The following STK32B variants were observed in gnomAD, a reference collection of about 807,000 sequenced individuals.
The protein encoded by STK32B is serine/threonine-protein kinase 32B.
In STK32B, 43 loss-of-function variants were observed where a neutral mutation model predicts 52.6. The observed-to-expected ratio is 0.82, with a 90% CI of 0.64 to 1.05. STK32B has a LOEUF of 1.05. Among genes scored for constraint, STK32B ranks in the 50% least tolerant of loss-of-function variants. STK32B has a pLI of 0.00. For synonymous variants in STK32B, 238 were observed against 204.3 expected, an observed-to-expected ratio of 1.17 and a Z score of -1.41; for missense variants, 621 against 534.6, an observed-to-expected ratio of 1.16 and a Z score of -1.59.
chr4:5,266,282 A>C (rs1345701481), intron 3 of STK32B, among the ~76,000 whole-genome samples: 1 of 152,236 alleles, frequency 6.6e-6, no homozygotes, highest in Admixed American at 6.5e-5. Flanking sequence ...AGAGAAATCA[A>C]CTTTTTAAGA....
At chr4:5,103,825 G>A (rs1269944621) in intron 1 of STK32B, among the ~76,000 whole-genome samples, 1 of 152,112 alleles carries the variant, frequency 6.6e-6, no homozygotes, top group Non-Finnish European at 1.5e-5. Context: ...GTATGAAATG[G>A]TATCTCATTA....
At chr4:5,323,385 C>T (rs565536020) in intron 3 of STK32B, among the ~76,000 whole-genome samples, 6 of 152,130 alleles carry the variant, frequency 3.9e-5, no homozygotes, top group Admixed American at 6.5e-5. Flanking sequence ...AAGGGGAGCC[C>T]GAGGGGACTG....
intron 4 of STK32B, among the ~76,000 whole-genome samples, chr4:5,384,790 T>C (rs749583434): frequency 6.6e-6 from 1 of 151,732 alleles, no homozygotes; most frequent in Non-Finnish European, 1.5e-5. Flanking sequence ...GACTGAAGAA[T>C]TGCAGGAAAC....
At chr4:5,373,488 C>G (rs544959032) in intron 4 of STK32B, among the ~76,000 whole-genome samples, 1 of 152,322 alleles carries the variant, frequency 6.6e-6, no homozygotes, top group African/African-American at 2.4e-5. Flanking sequence ...AGGGGAAGAT[C>G]AGACCTTTTG....
At chr4:5,046,565 G>A (rs188907145), upstream of STK32B, among the ~76,000 whole-genome samples, 512 of 152,200 alleles carry the variant, frequency 3.4e-3, 2 homozygotes, top group African/African-American at 0.012. Flanking sequence ...TACAGAATAG[G>A]AGAACATTTT....
In STK32B at chr4:5,400,341, T is replaced by TC. The variant is rs1391787483; in HGVS notation, c.472+2101dup. ...CCATTCTCAGCCTCCACCTCAGCCT[T>TC]CCCCACATTCTTTCTGCATCTCGTT... On this transcript the variant is annotated intron_variant, in intron 5 of 11. Transcript: ENST00000282908. This position sits in a 1 kb window ranked among gnomAD's most constrained non-coding sequence, Gnocchi z 6.1. Among the ~76,000 whole-genome samples, 1 of 152,092 alleles carries TC rather than the reference T, an allele frequency of 6.6e-6. No individual in the cohort carries two copies. Among genetic ancestry groups the TC allele is most frequent in the African/African-American group, 2.4e-5 (1 of 41,422 alleles).
chr4:5,451,291 A>G (rs1256668456), intron 7 of STK32B, among the ~76,000 whole-genome samples: 2 of 152,198 alleles, frequency 1.3e-5, no homozygotes, highest in African/African-American at 2.4e-5. Context: ...GCTGGAAGGA[A>G]TAATGTGAGC....
At chr4:5,402,660 A>G (rs900376103) in intron 5 of STK32B, among the ~76,000 whole-genome samples, 17 of 152,336 alleles carry the variant, frequency 1.1e-4, no homozygotes, top group African/African-American at 4.1e-4. Flanking sequence ...AGAAGCTCTC[A>G]TTTGATTCCT....
chr4:5,277,706 A>G (rs1200092418), intron 3 of STK32B, among the ~76,000 whole-genome samples: 1 of 152,230 alleles, frequency 6.6e-6, no homozygotes, highest in Non-Finnish European at 1.5e-5. Context: ...TATGGTTTTC[A>G]TAGTGTTCAG....
Position 5,075,280 on chromosome 4 carries a change from A to C in STK32B, c.52+23365A>C, listed in dbSNP as rs558866870. On this transcript the variant is annotated intron_variant, in intron 1 of 11. Coordinates refer to ENST00000282908, the MANE Select transcript of STK32B (RefSeq NM_018401.3). The stretch of plus-strand genomic sequence containing the variant: ...ACAGCACAAATGTGATCATTCTGCC[A>C]TAACTTCTCTTCAAAAACATTTCAA... Among the ~76,000 whole-genome samples the C allele has an allele frequency of 2.6e-5, 4 of 152,324 alleles. No individual in the cohort carries two copies. In the East Asian group the frequency reaches 7.7e-4, roughly 29 times the overall value.
the STK32B span, among the ~76,000 whole-genome samples, chr4:5,040,388 ATTTTT>A: frequency 2.5e-5 from 3 of 118,728 alleles, no homozygotes; most frequent in African/African-American, 3.6e-5. Context: ...TGGCAGTAGA[ATTTTT>A]TTTTTTTTTT....
intron 3 of STK32B, among the ~76,000 whole-genome samples, chr4:5,286,493 T>C (rs1038767026): frequency 6.6e-6 from 1 of 152,178 alleles, no homozygotes; most frequent in African/African-American, 2.4e-5. Context: ...ACAAACACTG[T>C]AGTGATTTTT....
intron 3 of STK32B, among the ~76,000 whole-genome samples, chr4:5,257,155 G>A (rs936015047): frequency 1.2e-4 from 19 of 152,062 alleles, no homozygotes; most frequent in African/African-American, 4.6e-4. Context: ...GAATGAGCGG[G>A]CAACTGAGTG....
chr4:5,475,723 T>G (rs1380146270), intron 11 of STK32B, among the ~76,000 whole-genome samples: 2 of 150,362 alleles, frequency 1.3e-5, no homozygotes, highest in Non-Finnish European at 3.0e-5. Flanking sequence ...TGACCGATTC[T>G]GACAAATCTC....
chr4:5,044,336 C>A, the STK32B span, among the ~76,000 whole-genome samples: 1 of 152,138 alleles, frequency 6.6e-6, no homozygotes, highest in Admixed American at 6.5e-5. Flanking sequence ...GTCAACTTCT[C>A]TCCTAAACCT....
Position 5,399,020 on chromosome 4 carries a change from G to A in STK32B, c.472+776G>A, listed in dbSNP as rs1737109285. The stretch of plus-strand genomic sequence containing the variant: ...TGGGCTCCTGTGTTCTGGATCCTGT[G>A]TCCTGTGTTGGGATGGAATGCCCAC... On this transcript the variant is annotated intron_variant, in intron 5 of 11. Coordinates refer to ENST00000282908, the MANE Select transcript of STK32B (RefSeq NM_018401.3). This position sits in a 1 kb window ranked among gnomAD's most constrained non-coding sequence, Gnocchi z 5.4. Among the ~76,000 whole-genome samples the A allele has an allele frequency of 1.3e-5, 2 of 152,226 alleles. No individual in the cohort carries two copies.
intron 3 of STK32B, among the ~76,000 whole-genome samples, chr4:5,298,436 A>G (rs1729347127): frequency 6.6e-6 from 1 of 152,088 alleles, no homozygotes; most frequent in African/African-American, 2.4e-5. Context: ...GGTTTTATCT[A>G]TAGGCCCCTG....
Position 5,051,762 on chromosome 4 carries a change from G to T in STK32B, c.-102G>T, listed in dbSNP as rs533703823. The T allele has an allele frequency of 2.5e-5, 38 of 1,509,452 alleles. No homozygotes were observed. The highest frequency in any genetic ancestry group is 3.2e-5 in the Non-Finnish European group (36 of 1,119,798). 93.5% of individuals were successfully genotyped at this position (1,509,452 alleles called of 1,614,324 possible). ...GGGCTCCGCGCGCGGCTACAACCCG[G>T]ACTGGGCGCGCCCCCGGCATCCCGC... On this transcript the variant is annotated 5_prime_UTR_variant, in exon 1 of 12. Coordinates refer to ENST00000282908, the MANE Select transcript of STK32B (RefSeq NM_018401.3).
chr4:5,123,767 C>A (rs1289710069), intron 1 of STK32B, among the ~76,000 whole-genome samples: 1 of 152,082 alleles, frequency 6.6e-6, no homozygotes, highest in Non-Finnish European at 1.5e-5. Flanking sequence ...CAAATCCAGT[C>A]ACATTCTGAG....
Sources: gnomAD v4.1 joint callset for allele counts (sites outside exome capture counted in the v4.1 genomes callset) on GRCh38, gnomAD v4.1.1 for gene constraint, Gnocchi (gnomAD v3.1) non-coding constraint, MANE v1.5 for transcripts, NCBI Gene and HGNC (gene_info 2026-07-23, HGNC 2026-07-21) for gene names.